Variants in DZIP3 observed in about 807,000 individuals in gnomAD.
The protein encoded by DZIP3 is DAZ interacting zinc finger protein 3.
In DZIP3, 118 loss-of-function variants were observed where a neutral mutation model predicts 162.0. That is an observed-to-expected ratio of 0.73 (90% CI 0.63 to 0.85). DZIP3 has a LOEUF of 0.85. Among genes scored for constraint, DZIP3 ranks in the 40% least tolerant of loss-of-function variants. The pLI, the probability that DZIP3 is intolerant of heterozygous loss-of-function variation, is 0.00. For synonymous variants in DZIP3, 438 were observed against 458.6 expected (o/e 0.96, Z 0.57); for missense variants, 1,331 against 1,407.0 (o/e 0.95, Z 0.86).
In DZIP3 at chr3:108,633,077, T is replaced by G. The variant is rs749722319; in HGVS notation, c.816+5T>G. ...TTGAAGAACACCAGTTATAAGGTAC[T>G]GTAATTGTCAATTAACAGTATTTTT... On this transcript the variant is annotated splice_donor_5th_base_variant and intron_variant, in intron 9 of 32. Transcript: ENST00000361582. 3 of 1,374,964 alleles carry G rather than the reference T, an allele frequency of 2.2e-6. No individual in the cohort carries two copies. The South Asian group carries it at 6.7e-5, about 31-fold the overall frequency. The allele number at this position is 1,374,964 out of a possible 1,614,324, so 85.2% of individuals were successfully genotyped here.
chr3:108,690,030 C>G (rs878941532), intron 31 of DZIP3, among the ~76,000 whole-genome samples: 1 of 152,154 alleles, frequency 6.6e-6, no homozygotes, highest in Admixed American at 6.5e-5. Context: ...TAGGAAAGAT[C>G]CTTAGCCATT....
intron 12 of DZIP3, among the ~76,000 whole-genome samples, chr3:108,639,154 A>G (rs150018366): frequency 6.6e-6 from 1 of 152,274 alleles, no homozygotes; most frequent in African/African-American, 2.4e-5. Flanking sequence ...TATTTCCTCT[A>G]TTTCTATCAA....
chr3:108,624,363 G>T, intron 5 of DZIP3, 81 bp from the exon 6 acceptor site: 1 of 742,400 alleles, frequency 1.3e-6, no homozygotes. Flanking sequence ...TATTAATTAA[G>T]CTTAGGATAT....
intron 26 of DZIP3, among the ~76,000 whole-genome samples, chr3:108,679,370 TA>T (rs1286867558): frequency 6.6e-6 from 1 of 152,104 alleles, no homozygotes; most frequent in Non-Finnish European, 1.5e-5. Context: ...GAGACTTTCT[TA>T]TGTCTGACAT....
chr3:108,606,404 G>A (rs758693633), intron 2 of DZIP3, among the ~76,000 whole-genome samples: 48 of 152,154 alleles, frequency 3.2e-4, no homozygotes, highest in Non-Finnish European at 6.2e-4. Flanking sequence ...TGATTCCTTG[G>A]TGCTTAGGGA....
At chr3:108,612,862 CTG>C (rs1380729250) in intron 4 of DZIP3, among the ~76,000 whole-genome samples, 2 of 151,972 alleles carry the variant, frequency 1.3e-5, no homozygotes. Flanking sequence ...GGAGGGCAAA[CTG>C]TACTTATTTA....
At chr3:108,682,715 A>C (rs1249138290) in intron 26 of DZIP3, among the ~76,000 whole-genome samples, 1 of 150,854 alleles carries the variant, frequency 6.6e-6, no homozygotes, top group East Asian at 1.9e-4. Flanking sequence ...GATTATAGTT[A>C]ACAGTAAGGT....
intron 21 of DZIP3, 97 bp from the exon 22 acceptor site, chr3:108,669,584 T>C: frequency 9.3e-7 from 1 of 1,080,330 alleles, no homozygotes; most frequent in South Asian, 1.6e-5. Context: ...CAAATGGACA[T>C]ACTTTATCTC....
At position 108,625,985 on chromosome 3, in the gene DZIP3, A is replaced by T. The variant is rs778227809; in HGVS notation, c.581+16A>T. On this transcript the variant is annotated intron_variant, in intron 7 of 32. Transcript: ENST00000361582. ...CTCAAAAGAGGTAAGGATTTTAATTAACGGGTAGATGTTGCCTGTGAAGTC... is the reference window on the plus strand; with the variant it reads ...CTCAAAAGAGGTAAGGATTTTAATTTACGGGTAGATGTTGCCTGTGAAGTC... 6.2e-7 allele frequency: 1 copy of T among 1,609,854 alleles called. No individual in the cohort carries two copies. Among genetic ancestry groups the T allele is most frequent in the African/African-American group, 1.3e-5 (1 of 74,752 alleles).
chr3:108,639,367 A>T (rs1942289925), intron 12 of DZIP3, among the ~76,000 whole-genome samples: 1 of 152,194 alleles, frequency 6.6e-6, no homozygotes, highest in African/African-American at 2.4e-5. Flanking sequence ...TTTTATTTTG[A>T]CAGGCCACTA....
intron 5 of DZIP3, among the ~76,000 whole-genome samples, chr3:108,621,604 A>G (rs1007559752): frequency 6.6e-6 from 1 of 152,224 alleles, no homozygotes; most frequent in Non-Finnish European, 1.5e-5. Context: ...AATACAGGCA[A>G]TAACAAATGC....
intron 4 of DZIP3, among the ~76,000 whole-genome samples, chr3:108,614,155 A>G (rs1207506163): frequency 6.6e-6 from 1 of 152,232 alleles, no homozygotes; most frequent in East Asian, 1.9e-4. Context: ...TTTAAAACAT[A>G]AAATAGAAAG....
At chr3:108,690,670 G>A (rs1576480150) in intron 31 of DZIP3, 117 bp from the exon 32 acceptor site, 8 of 911,060 alleles carry the variant, frequency 8.8e-6, no homozygotes, top group South Asian at 5.0e-5. Flanking sequence ...GATCCACAGC[G>A]TAAGGCTTTA....
At chr3:108,690,655 T>C (rs1373975080) in intron 31 of DZIP3, 132 bp from the exon 32 acceptor site, 2 of 751,164 alleles carry the variant, frequency 2.7e-6, no homozygotes, top group African/African-American at 1.8e-5. Flanking sequence ...AGCAATTGGT[T>C]TGACGATCCA....
intron 1 of DZIP3, among the ~76,000 whole-genome samples, chr3:108,591,927 A>T (rs1939439894): frequency 6.8e-6 from 1 of 147,016 alleles, no homozygotes; most frequent in Non-Finnish European, 1.5e-5. Context: ...GGCTGCAGTG[A>T]GTGTGATTGT....
chr3:108,625,877 G>A lies in DZIP3; in HGVS notation c.489G>A (p.Val163=), dbSNP rs1243040727. The change falls in exon 7 of 33, where the codon GTG becomes GTA. Residue 163 remains valine (V), a synonymous_variant. Transcript: ENST00000361582. ...DYTEAENKFL[V]MKMMIQENEI... ...CAGAAGCTGAGAATAAATTTCTGGT[G>A]ATGAAGATGATGATCCAAGAAAATG... 6.2e-7 allele frequency: 1 copy of A among 1,612,712 alleles called. No individual in the cohort carries two copies.
intron 27 of DZIP3, 59 bp from the exon 28 acceptor site, chr3:108,686,380 GAGGTAT>G: frequency 7.1e-7 from 1 of 1,399,324 alleles, no homozygotes; most frequent in Non-Finnish European, 9.4e-7. Context: ...CCCATTTTCT[GAGGTAT>G]AGGAATGTCA....
chr3:108,614,515 T>C (rs533452313), intron 4 of DZIP3, among the ~76,000 whole-genome samples: 1 of 152,346 alleles, frequency 6.6e-6, no homozygotes, highest in Admixed American at 6.5e-5. Context: ...TTCTCTACCT[T>C]TTGTAGCAGA....
At chr3:108,675,920 T>G in intron 25 of DZIP3, 47 bp downstream of exon 25, 2 of 1,517,516 alleles carry the variant, frequency 1.3e-6, no homozygotes, top group Non-Finnish European at 1.8e-6. Context: ...ATGTTATAGG[T>G]GGTGTAAAGT....
Sources: gnomAD v4.1 joint callset for allele counts (sites outside exome capture counted in the v4.1 genomes callset) on GRCh38, gnomAD v4.1.1 for gene constraint, MANE v1.5 for transcripts, NCBI Gene and HGNC (gene_info 2026-07-23, HGNC 2026-07-21) for gene names.